TONSL: variants seen among roughly 807,000 people sequenced by gnomAD.
TONSL encodes tonsoku like, DNA repair protein.
A neutral mutation model predicts 147.1 loss-of-function variants in TONSL; 112 were observed. The observed-to-expected ratio is 0.76, with a 90% CI of 0.65 to 0.89. TONSL has a LOEUF of 0.89. Ranked by LOEUF, TONSL falls within the 40% of genes least tolerant of loss-of-function variation. TONSL has a pLI of 0.00. For synonymous variants in TONSL, 868 were observed against 801.5 expected (o/e 1.08, Z -1.40); for missense variants, 1,883 against 1,864.6 (o/e 1.01, Z -0.18).
In TONSL at chr8:144,435,909, G is replaced by A. The variant is rs762552611; in HGVS notation, c.2524C>T (p.Leu842=). Residue 842 remains leucine (L), a synonymous_variant, in exon 17 of 26, where the codon CTG becomes TTG. Transcript: ENST00000409379. ...AGDWLELDMP[L]TRSRRPRPRG... is the part of the protein sequence containing the mutation. ...GGGCGGGGCCGGCGGCTGCGGGTCA[G>A]GGGCATGTCCAGCTCCAGCCAGTCC... is the stretch of plus-strand genomic sequence containing the variant. The A allele has an allele frequency of 1.9e-6, 3 of 1,591,982 alleles. No individual in the cohort carries two copies. Among genetic ancestry groups the A allele is most frequent in the Admixed American group, 3.4e-5 (2 of 59,210 alleles).
chr8:144,429,614 A>T (rs1554878205), intron 25 of TONSL, among the ~76,000 whole-genome samples: 1 of 152,060 alleles, frequency 6.6e-6, no homozygotes, highest in Non-Finnish European at 1.5e-5. Context: ...CCCCACCCAT[A>T]AGAAGGACAT....
In TONSL at chr8:144,437,104, G is replaced by T; in HGVS notation, c.1654-5C>A. On this transcript the variant is annotated splice_polypyrimidine_tract_variant and splice_region_variant and intron_variant, in intron 13 of 25. Transcript: ENST00000409379. Reference sequence around the variant, plus strand: ...CCGAGGGTTAAGGGGGTGGCCCTGTGACCAAGGACAGGAAGGAGCCTGGCC... The same window carrying T: ...CCGAGGGTTAAGGGGGTGGCCCTGTTACCAAGGACAGGAAGGAGCCTGGCC... 1.2e-6 allele frequency: 2 copies of T among 1,612,460 alleles called. No homozygotes were observed. Among genetic ancestry groups the T allele is most frequent in the South Asian group, 2.2e-5 (2 of 90,850 alleles).
In TONSL at chr8:144,430,350, C is replaced by T. The variant is rs1823132085; in HGVS notation, c.3943+54G>A. The T allele has an allele frequency of 2.7e-6, 4 of 1,490,568 alleles. No individual in the cohort carries two copies. The Admixed American group carries it at 9.2e-5, about 34-fold the overall frequency. 92.3% of individuals were successfully genotyped at this position (1,490,568 alleles called of 1,614,324 possible). On this transcript the variant is annotated intron_variant, in intron 25 of 25. Transcript: ENST00000409379. ...TAGGAGGAGGCACCTGGGTCTCAGGCAGGTCCCTGAAAAGGCCGAACATGG... is the reference window on the plus strand; with the variant it reads ...TAGGAGGAGGCACCTGGGTCTCAGGTAGGTCCCTGAAAAGGCCGAACATGG...
At chr8:144,440,550 G>A in intron 9 of TONSL, 74 bp from the exon 10 acceptor site, 2 of 1,533,316 alleles carry the variant, frequency 1.3e-6, no homozygotes, top group Non-Finnish European at 8.8e-7. Context: ...AGCTTCCCCG[G>A]CTGCCCAGAC....
chr8:144,438,594 G>A lies in TONSL; in HGVS notation c.1564-34C>T, dbSNP rs759168789. 10 of 1,612,762 alleles carry A rather than the reference G, an allele frequency of 6.2e-6. No individual in the cohort carries two copies. The South Asian group carries it at 1.1e-4, about 18-fold the overall frequency. On this transcript the variant is annotated intron_variant, in intron 12 of 25. Transcript: ENST00000409379. ...ACAGCCAACCCAGCACAGGGCAGGGGCGTGAGGAGCTGGCAGGGCTGCTGA... is the reference window on the plus strand; with the variant it reads ...ACAGCCAACCCAGCACAGGGCAGGGACGTGAGGAGCTGGCAGGGCTGCTGA...
Position 144,440,866 on chromosome 8 carries a change from C to A in TONSL, c.1016G>T (p.Arg339Leu). Residue 339 changes from arginine (R) to leucine (L), a missense_variant, in exon 9 of 26, where the codon CGT becomes CTT. Arg to Leu is a moderately radical substitution (Grantham distance 102). Coordinates refer to ENST00000409379, the MANE Select transcript of TONSL (RefSeq NM_013432.5). ...RAAEAYQKQL[R>L]FAELLDRPGA... ...CGGTCTGTCCAGCAGCTCAGCAAAACGCAGCTGGGGGCAGTGCCAGTGAGG... is the reference window on the plus strand; with the variant it reads ...CGGTCTGTCCAGCAGCTCAGCAAAAAGCAGCTGGGGGCAGTGCCAGTGAGG... 6.2e-7 allele frequency: 1 copy of A among 1,612,768 alleles called. No individual in the cohort carries two copies. The highest frequency in any genetic ancestry group is 8.5e-7 in the Non-Finnish European group (1 of 1,179,900).
intron 11 of TONSL, among the ~76,000 whole-genome samples, chr8:144,439,207 G>A (rs962218389): frequency 7.2e-5 from 11 of 152,070 alleles, no homozygotes; most frequent in Admixed American, 1.3e-4. Context: ...CTAGGCAGCA[G>A]ACACACCCGC....
rs368580824 is a variant in TONSL, at chr8:144,435,747, T to C, written c.2686A>G (p.Ser896Gly). ...SCSAPVNAGP[S>G]SLASEPPGSP... ...CCTGGAGGTTCTGAAGCCAGGCTGC[T>C]GGGCCCTGCGTTAACTGGCGCACTG... Residue 896 changes from serine (S) to glycine (G), a missense_variant, in exon 17 of 26, where the codon AGC (serine) becomes GGC (glycine). Physicochemically the swap from Ser to Gly is moderately conservative, Grantham distance 56. Transcript: ENST00000409379. 1.2e-6 allele frequency: 2 copies of C among 1,612,758 alleles called. No homozygotes were observed. Among genetic ancestry groups the C allele is most frequent in the African/African-American group, 2.7e-5 (2 of 74,912 alleles).
intron 13 of TONSL, 113 bp from the exon 14 acceptor site, chr8:144,437,212 C>T: frequency 9.3e-7 from 1 of 1,070,330 alleles, no homozygotes; most frequent in Non-Finnish European, 1.4e-6. Flanking sequence ...GAGCCCAGAG[C>T]AAGTCCGTGG....
chr8:144,435,361 C>T (rs904841656), intron 18 of TONSL, 113 bp downstream of exon 18: 1 of 1,256,674 alleles, frequency 8.0e-7, no homozygotes, highest in African/African-American at 1.5e-5. Context: ...ACAGGATCCT[C>T]CTGGAACACA....
intron 24 of TONSL, 136 bp from the exon 25 acceptor site, chr8:144,430,673 G>C: frequency 9.2e-7 from 1 of 1,092,030 alleles, no homozygotes; most frequent in Non-Finnish European, 1.3e-6. Context: ...GCCTGGCCCA[G>C]TAGCAGGTGG....
At chr8:144,442,654 C>T (rs1179444259) in intron 5 of TONSL, 23 bp downstream of exon 5, 2 of 1,607,560 alleles carry the variant, frequency 1.2e-6, no homozygotes, top group Non-Finnish European at 8.5e-7. Flanking sequence ...TCCACTCCCT[C>T]CTGGGGCGGG....
chr8:144,442,853 G>T, intron 4 of TONSL, 47 bp from the exon 5 acceptor site: 1 of 1,577,482 alleles, frequency 6.3e-7, no homozygotes, highest in Non-Finnish European at 8.6e-7. Flanking sequence ...CCCCACATGG[G>T]GTTTCCAGCT....
chr8:144,434,179 C>G lies in TONSL; in HGVS notation c.3186G>C (p.Leu1062=). The G allele has an allele frequency of 1.2e-6, 2 of 1,605,272 alleles. No homozygotes were observed. The highest frequency in any genetic ancestry group is 1.7e-6 in the Non-Finnish European group (2 of 1,175,134). Reference sequence around the variant, plus strand: ...CTGTGTGCAGCTTGAGGGCCCGCAGCAGGGGTGTAAGCTGGGCCTGGTCCA... The same window carrying G: ...CTGTGTGCAGCTTGAGGGCCCGCAGGAGGGGTGTAAGCTGGGCCTGGTCCA... ...LALDQAQLTP[L]LRALKLHTAL... is the part of the protein sequence containing the mutation. The change falls in exon 21 of 26, where the codon CTG becomes CTC. Residue 1062 remains leucine (L), a synonymous_variant. Transcript: ENST00000409379.
chr8:144,436,425 G>A lies in TONSL; in HGVS notation c.2015-7C>T. 1 of 1,520,760 alleles carries A rather than the reference G, an allele frequency of 6.6e-7. No individual in the cohort carries two copies. The allele number at this position is 1,520,760 out of a possible 1,614,324, so 94.2% of individuals were successfully genotyped here. A position where few individuals can be genotyped will look rare whatever the true frequency, so the allele number is the denominator to read the frequency against. ...GCCTGGGAGCTGTGGGGATCTGTGG[G>A]AGAGAGAATGCGTGTTGAGGCAGGG... On this transcript the variant is annotated splice_polypyrimidine_tract_variant and splice_region_variant and intron_variant, in intron 16 of 25. Transcript: ENST00000409379.
Position 144,440,429 on chromosome 8 carries a change from G to A in TONSL, c.1212C>T (p.Gly404=), listed in dbSNP as rs770180642. 151 of 1,608,398 alleles carry A rather than the reference G, an allele frequency of 9.4e-5. No homozygotes were observed. Among genetic ancestry groups the A allele is most frequent in the Non-Finnish European group, 1.2e-4 (138 of 1,177,156 alleles). Reference sequence around the variant, plus strand: ...ACGGGGCCAGCAGCTCGTAGGCATCGCCGGCCTCCTCGCGGGACAGTGCAA... The same window carrying A: ...ACGGGGCCAGCAGCTCGTAGGCATCACCGGCCTCCTCGCGGGACAGTGCAA... ...LNIALSREEA[G]DAYELLAPCF... The change falls in exon 10 of 26, where the codon GGC becomes GGT. Residue 404 remains glycine (G), a synonymous_variant. Coordinates refer to ENST00000409379, the MANE Select transcript of TONSL (RefSeq NM_013432.5).
chr8:144,443,283 G>A lies in TONSL; in HGVS notation c.303C>T (p.Arg101=), dbSNP rs891574478. The change falls in exon 4 of 26, where the codon CGC becomes CGT. Residue 101 remains arginine (R), a synonymous_variant. Coordinates refer to ENST00000409379, the MANE Select transcript of TONSL (RefSeq NM_013432.5). ...AGGCCCTCTGCAGCTCCGTGTGGTT[G>A]CGCAGGGAATGTGCCAGCTCCAGGT... The part of the protein sequence containing the change: ...HQYLELAHSL[R]NHTELQRAWA... The A allele has an allele frequency of 9.7e-6, 15 of 1,550,568 alleles. No homozygotes were observed. The highest frequency in any genetic ancestry group is 1.4e-5 in the African/African-American group (1 of 73,066).
At chr8:144,436,526 G>A (rs912741721) in intron 16 of TONSL, 32 bp downstream of exon 16, 4 of 1,600,470 alleles carry the variant, frequency 2.5e-6, no homozygotes, top group African/African-American at 1.3e-5. Context: ...CGTAGGCACA[G>A]CAACCCCAGG....
At chr8:144,433,548 C>G in intron 22 of TONSL, 40 bp downstream of exon 22, 1 of 1,596,522 alleles carries the variant, frequency 6.3e-7, no homozygotes, top group South Asian at 1.1e-5. Flanking sequence ...CTCAATGCCC[C>G]AGGGCTAGGG....
Sources: allele counts gnomAD v4.1 joint callset (sites outside exome capture counted in the v4.1 genomes callset), GRCh38; gene constraint gnomAD v4.1.1; transcripts MANE v1.5; gene names NCBI Gene and HGNC (gene_info 2026-07-23, HGNC 2026-07-21).